The following ADPRH variants were observed in gnomAD, a reference collection of about 807,000 sequenced individuals.
ADPRH encodes ADP-ribose-L-arginine cleaving enzyme.
In ADPRH, 27 loss-of-function variants were observed where a neutral mutation model predicts 28.8. The observed-to-expected ratio is 0.94, with a 90% CI of 0.69 to 1.29. The LOEUF (loss-of-function observed/expected upper bound fraction) is 1.29, where lower values mean the gene tolerates loss of function less well. Ranked by LOEUF, ADPRH falls within the 50% of genes most tolerant of loss-of-function variation. ADPRH has a pLI of 0.00. For missense variants in ADPRH, 419 were observed against 444.8 expected, an observed-to-expected ratio of 0.94 and a Z score of 0.52; for synonymous variants, 161 against 166.9, an observed-to-expected ratio of 0.96 and a Z score of 0.27.
chr3:119,589,695 C>T lies in ADPRH; in HGVS notation c.*1817C>T, dbSNP rs1017455930. 2 of 152,102 alleles carry T rather than the reference C, an allele frequency of 1.3e-5. No individual in the cohort carries two copies. Among genetic ancestry groups the T allele is most frequent in the South Asian group, 2.1e-4 (1 of 4,818 alleles). The allele number at this position is 152,102 out of a possible 1,614,324, so 9.4% of individuals were successfully genotyped here. ...AGAGATCCTATTAGATTTGCTTTGC[C>T]GATTGTCACTCTTCATCACAGGCAC... On this transcript the variant is annotated 3_prime_UTR_variant, in exon 5 of 5. Transcript: ENST00000357003.
chr3:119,586,501 C>A lies in ADPRH; in HGVS notation c.515C>A (p.Ala172Asp). The A allele has an allele frequency of 6.2e-7, 1 of 1,614,226 alleles. No homozygotes were observed. The highest frequency in any genetic ancestry group is 8.5e-7 in the Non-Finnish European group (1 of 1,180,052). Residue 172 changes from alanine to aspartate, a missense_variant, in exon 4 of 5, where the codon GCC becomes GAC. Transcript: ENST00000357003. Reference protein sequence around the residue: ...THHHPTGYLGALASALFTAYA... With the variant: ...THHHPTGYLGDLASALFTAYA... ...CACCACCCAACAGGCTACCTGGGGG[C>A]CCTTGCGTCTGCTCTTTTTACAGCC...
At position 119,586,615 on chromosome 3, in the gene ADPRH, G is replaced by A. The variant is rs1170835446; in HGVS notation, c.629G>A (p.Gly210Asp). ...PEAKKYIVQS[G>D]YFVEENLQHW... ...GCTAAAAAGTACATTGTCCAATCAG[G>A]CTACTTTGTAGAGGAAAATCTTCAA... Residue 210 changes from glycine to aspartate, a missense_variant, in exon 4 of 5, where the codon GGC (glycine) becomes GAC (aspartate). Gly to Asp is a moderately conservative substitution (Grantham distance 94). Transcript: ENST00000357003. 1.9e-6 allele frequency: 3 copies of A among 1,613,888 alleles called. No homozygotes were observed. The highest frequency in any genetic ancestry group is 8.5e-7 in the Non-Finnish European group (1 of 1,179,998).
At chr3:119,587,367 T>G in intron 4 of ADPRH, 97 bp from the exon 5 acceptor site, 1 of 988,712 alleles carries the variant, frequency 1.0e-6, no homozygotes, top group Non-Finnish European at 1.4e-6. Flanking sequence ...CGAAGTTATG[T>G]TGGATTTTTC....
At chr3:119,584,062 G>A (rs573911306) in intron 3 of ADPRH, among the ~76,000 whole-genome samples, 7 of 151,700 alleles carry the variant, frequency 4.6e-5, no homozygotes, top group African/African-American at 1.5e-4. Flanking sequence ...ACAGGCATGA[G>A]CCACCATGCC....
chr3:119,580,132 T>C (rs1246817257), intron 1 of ADPRH: 3 of 152,272 alleles, frequency 2.0e-5, no homozygotes, highest in Non-Finnish European at 4.4e-5. Context: ...CGAAAAAAGA[T>C]GCCGGTCTTC....
intron 3 of ADPRH, among the ~76,000 whole-genome samples, chr3:119,585,386 G>C (rs936481187): frequency 1.3e-5 from 2 of 152,204 alleles, no homozygotes; most frequent in Non-Finnish European, 2.9e-5. Context: ...TCACTGTCAC[G>C]AGGGGATAGC....
In ADPRH at chr3:119,586,321, C is replaced by T. The variant is rs1405823398; in HGVS notation, c.335C>T (p.Pro112Leu). The T allele has an allele frequency of 2.7e-5, 44 of 1,613,740 alleles. No individual in the cohort carries two copies. Among genetic ancestry groups the T allele is most frequent in the Middle Eastern group, 1.7e-4 (1 of 5,770 alleles). ...GTGCACAACGCCATGCAGCTGAAGCCGGGCAAGCCCAATGGCTGGAGGATT... is the reference window on the plus strand; with the variant it reads ...GTGCACAACGCCATGCAGCTGAAGCTGGGCAAGCCCAATGGCTGGAGGATT... Reference protein sequence around the residue: ...ASVHNAMQLKPGKPNGWRIPF... With the variant: ...ASVHNAMQLKLGKPNGWRIPF... Residue 112 changes from proline (P) to leucine (L), a missense_variant, in exon 4 of 5, where the codon CCG (proline) becomes CTG (leucine). By Grantham distance (98) the Pro-to-Leu change is moderately conservative. Transcript: ENST00000357003.
intron 2 of ADPRH, among the ~76,000 whole-genome samples, chr3:119,581,878 T>A (rs1389143038): frequency 2.6e-5 from 4 of 152,096 alleles, no homozygotes; most frequent in African/African-American, 9.7e-5. Flanking sequence ...ATCCCAGCCC[T>A]GCCACTTATT....
intron 3 of ADPRH, among the ~76,000 whole-genome samples, chr3:119,582,815 A>G (rs2082420139): frequency 6.6e-6 from 1 of 152,212 alleles, no homozygotes; most frequent in South Asian, 2.1e-4. Context: ...GCGAAGGAGC[A>G]TCATCACCTG....
chr3:119,582,066 G>T, intron 2 of ADPRH, 68 bp from the exon 3 acceptor site: 1 of 1,201,552 alleles, frequency 8.3e-7, no homozygotes, highest in Non-Finnish European at 1.2e-6. Flanking sequence ...AACATAGCTA[G>T]AGTCGTTGTT....
At chr3:119,583,210 C>G (rs2082424279) in intron 3 of ADPRH, among the ~76,000 whole-genome samples, 1 of 152,036 alleles carries the variant, frequency 6.6e-6, no homozygotes, top group Non-Finnish European at 1.5e-5. Context: ...GCCTGAGTGA[C>G]AAAGCAATAC....
chr3:119,587,272 C>G (rs2082470673), intron 4 of ADPRH, among the ~76,000 whole-genome samples, 192 bp from the exon 5 acceptor site: 2 of 152,064 alleles, frequency 1.3e-5, no homozygotes, highest in Non-Finnish European at 2.9e-5. Flanking sequence ...TTATGTAGAT[C>G]CTTATGAAAA....
intron 3 of ADPRH, 133 bp downstream of exon 3, chr3:119,582,600 G>T: frequency 1.8e-6 from 2 of 1,100,090 alleles, no homozygotes; most frequent in East Asian, 5.2e-5. Flanking sequence ...TAGAAATAAC[G>T]GCCATGGTGG....
At chr3:119,585,032 G>A (rs896368875) in intron 3 of ADPRH, among the ~76,000 whole-genome samples, 7 of 152,138 alleles carry the variant, frequency 4.6e-5, no homozygotes, top group Admixed American at 2.0e-4. Context: ...TCTCCAAATC[G>A]AGGTACTTAG....
Position 119,586,515 on chromosome 3 carries a change from C to G in ADPRH, c.529C>G (p.Leu177Val). 6.2e-7 allele frequency: 1 copy of G among 1,614,234 alleles called. No individual in the cohort carries two copies. The highest frequency in any genetic ancestry group is 8.5e-7 in the Non-Finnish European group (1 of 1,180,040). The change falls in exon 4 of 5, where the codon CTT becomes GTT. Residue 177 changes from leucine (L) to valine (V), a missense_variant. Leu to Val is a conservative substitution (Grantham distance 32, BLOSUM62 1). Coordinates refer to ENST00000357003, the MANE Select transcript of ADPRH (RefSeq NM_001125.4). ...CTACCTGGGGGCCCTTGCGTCTGCT[C>G]TTTTTACAGCCTATGCTGTGAATAG... Reference protein sequence around the residue: ...TGYLGALASALFTAYAVNSRP... With the variant: ...TGYLGALASAVFTAYAVNSRP...
chr3:119,587,799 A>C lies in ADPRH; in HGVS notation c.995A>C (p.Glu332Ala). The C allele has an allele frequency of 6.2e-7, 1 of 1,614,150 alleles. No homozygotes were observed. Among genetic ancestry groups the C allele is most frequent in the African/African-American group, 1.3e-5 (1 of 75,060 alleles). ...AGTCCCTCCAACTATGAGAAACTAGAATACAGAAACCGGCTGGAAGAGACA... is the reference window on the plus strand; with the variant it reads ...AGTCCCTCCAACTATGAGAAACTAGCATACAGAAACCGGCTGGAAGAGACA... ...GVSPSNYEKL[E>A]YRNRLEETAR... The change falls in exon 5 of 5, where the codon GAA (glutamate) becomes GCA (alanine). Residue 332 changes from glutamate (E) to alanine (A), a missense_variant. Physicochemically the swap from Glu to Ala is moderately radical, Grantham distance 107. Transcript: ENST00000357003.
At chr3:119,583,477 TG>T (rs1187785545) in intron 3 of ADPRH, among the ~76,000 whole-genome samples, 1 of 152,232 alleles carries the variant, frequency 6.6e-6, no homozygotes, top group Non-Finnish European at 1.5e-5. Context: ...ACTAAATAAA[TG>T]TATATAATTG....
intron 2 of ADPRH, among the ~76,000 whole-genome samples, chr3:119,581,808 G>A (rs1485331): frequency 0.082 from 12,492 of 152,196 alleles, 644 homozygotes; most frequent in East Asian, 0.22. Context: ...TCACCAAGAG[G>A]CAAGAGATAC....
chr3:119,580,761 A>T (rs2082398100), intron 2 of ADPRH, 125 bp downstream of exon 2: 1 of 152,214 alleles, frequency 6.6e-6, no homozygotes, highest in Non-Finnish European at 1.5e-5. Context: ...CCTGAAAGCC[A>T]CAGGGAGAAG....
Sources: allele counts gnomAD v4.1 joint callset (sites outside exome capture counted in the v4.1 genomes callset), GRCh38; gene constraint gnomAD v4.1.1; transcripts MANE v1.5; gene names NCBI Gene and HGNC (gene_info 2026-07-23, HGNC 2026-07-21).